The following C4orf36 variants were observed in gnomAD, a reference collection of about 807,000 sequenced individuals.
The protein encoded by C4orf36 is uncharacterized protein C4orf36.
In C4orf36, 11 loss-of-function variants were observed where a neutral mutation model predicts 12.2. The ratio of observed to expected loss-of-function variants is 0.90; its 90% confidence interval spans 0.57 to 1.49. The LOEUF (loss-of-function observed/expected upper bound fraction) is 1.49. Among genes scored for constraint, C4orf36 ranks in the 40% most tolerant of loss-of-function variants. The pLI, the probability that C4orf36 is intolerant of heterozygous loss-of-function variation, is 0.00. For missense variants in C4orf36, 137 were observed against 133.9 expected (o/e 1.02, Z -0.11); for synonymous variants, 54 against 51.3 (o/e 1.05, Z -0.22).
chr4:86,913,320 G>T, the C4orf36 span: 1 of 783,784 alleles, frequency 1.3e-6, no homozygotes, highest in Non-Finnish European at 2.2e-6. Context: ...TGGCTCCACC[G>T]ATGTCAGTAG....
chr4:86,912,188 AAAAC>A, the C4orf36 span, among the ~76,000 whole-genome samples: 1,336 of 152,102 alleles, frequency 8.8e-3, 20 homozygotes, highest in African/African-American at 0.029. Flanking sequence ...TAAAAAAACA[AAAAC>A]AAACAAACAA....
Position 86,888,154 on chromosome 4 carries a change from T to C in C4orf36, c.187A>G (p.Thr63Ala), listed in dbSNP as rs909592350. Reference sequence around the variant, plus strand: ...GAAGGGAGCAGTCCATCTTTAATGGTGGTACATTTTGTGAGCTGCACAGAA... The same window carrying C: ...GAAGGGAGCAGTCCATCTTTAATGGCGGTACATTTTGTGAGCTGCACAGAA... ...GGSVQLTKCT[T>A]IKDGLLPSAE... is the part of the protein sequence containing the mutation. Residue 63 changes from threonine to alanine, a missense_variant, in exon 3 of 5, where the codon ACC becomes GCC. By Grantham distance (58) the Thr-to-Ala change is moderately conservative (BLOSUM62 0). Transcript: ENST00000295898. 5 of 1,613,954 alleles carry C rather than the reference T, an allele frequency of 3.1e-6. No individual in the cohort carries two copies. In the African/African-American group the frequency reaches 5.3e-5, roughly 17 times the overall value.
chr4:86,935,070 C>G, the C4orf36 span: 3 of 152,012 alleles, frequency 2.0e-5, no homozygotes, highest in African/African-American at 7.2e-5. Context: ...CGCCTGCGCG[C>G]GTTGCGGCCG....
intron 4 of C4orf36, among the ~76,000 whole-genome samples, chr4:86,883,415 C>T (rs1056905598): frequency 1.8e-4 from 27 of 152,116 alleles, no homozygotes; most frequent in African/African-American, 6.3e-4. Context: ...TCCTGGTCTG[C>T]ACAAAGATCA....
the C4orf36 span, among the ~76,000 whole-genome samples, chr4:86,919,786 G>T: frequency 6.6e-6 from 1 of 152,240 alleles, no homozygotes; most frequent in East Asian, 1.9e-4. Flanking sequence ...TCTAATGCCT[G>T]TACTTTAGGA....
At chr4:86,901,146 G>A in the C4orf36 span, among the ~76,000 whole-genome samples, 44 of 151,992 alleles carry the variant, frequency 2.9e-4, no homozygotes, top group African/African-American at 8.7e-4. Context: ...CACCACACCC[G>A]GCTAATTTTT....
the C4orf36 span, chr4:86,913,472 C>A: frequency 1.3e-6 from 1 of 769,772 alleles, no homozygotes. Flanking sequence ...TCATGACAGA[C>A]ATGTTGCGTT....
intron 4 of C4orf36, 84 bp downstream of exon 4, chr4:86,887,674 C>G: frequency 6.5e-7 from 1 of 1,548,670 alleles, no homozygotes; most frequent in South Asian, 1.2e-5. Flanking sequence ...AATATCTGCC[C>G]TGAACTATAC....
the C4orf36 span, among the ~76,000 whole-genome samples, chr4:86,934,321 G>A: frequency 2.6e-5 from 4 of 152,146 alleles, no homozygotes; most frequent in African/African-American, 9.7e-5. Context: ...GACTTAACTA[G>A]ACATAAGTTT....
chr4:86,898,697 T>C, the C4orf36 span, among the ~76,000 whole-genome samples: 1 of 151,940 alleles, frequency 6.6e-6, no homozygotes, highest in Non-Finnish European at 1.5e-5. Flanking sequence ...TAATCCCCAC[T>C]ACTCAGCAGA....
chr4:86,932,514 G>A, the C4orf36 span, among the ~76,000 whole-genome samples: 1 of 152,096 alleles, frequency 6.6e-6, no homozygotes, highest in Non-Finnish European at 1.5e-5. Context: ...TGACCAAACA[G>A]TTGTCCATGT....
the C4orf36 span, among the ~76,000 whole-genome samples, chr4:86,908,218 C>CAT: frequency 0.034 from 5,032 of 148,608 alleles, 224 homozygotes; most frequent in Admixed American, 0.086. Context: ...CACACACACA[C>CAT]GTTGCTGGTG....
chr4:86,881,458 C>T (rs568183475), intron 4 of C4orf36, among the ~76,000 whole-genome samples: 47 of 152,176 alleles, frequency 3.1e-4, no homozygotes, highest in Non-Finnish European at 5.1e-4. Flanking sequence ...AAATTAGCCA[C>T]GCATGGTGGG....
chr4:86,928,821 C>A, the C4orf36 span, among the ~76,000 whole-genome samples: 1 of 152,182 alleles, frequency 6.6e-6, no homozygotes, highest in Non-Finnish European at 1.5e-5. Flanking sequence ...CCTCTGCCCA[C>A]GAAGTTTCAT....
At chr4:86,889,585 A>G (rs1747314908) in intron 2 of C4orf36, among the ~76,000 whole-genome samples, 1 of 152,146 alleles carries the variant, frequency 6.6e-6, no homozygotes, top group African/African-American at 2.4e-5. Flanking sequence ...AGGTGCTACT[A>G]CTATCCTCAG....
chr4:86,914,071 T>A, the C4orf36 span: 1 of 1,610,546 alleles, frequency 6.2e-7, no homozygotes, highest in South Asian at 1.1e-5. Flanking sequence ...GTGGAGCGAA[T>A]TGGCTTTTTA....
chr4:86,889,511 ACT>A (rs1747311969), intron 2 of C4orf36, among the ~76,000 whole-genome samples: 1 of 152,220 alleles, frequency 6.6e-6, no homozygotes, highest in Admixed American at 6.5e-5. Flanking sequence ...ACTACTAGGC[ACT>A]GTTTTAAGCA....
In C4orf36 at chr4:86,892,336, T is replaced by G; in HGVS notation, c.-227A>C. The G allele has an allele frequency of 8.1e-6, 8 of 985,454 alleles. No individual in the cohort carries two copies. The highest frequency in any genetic ancestry group is 9.6e-6 in the Non-Finnish European group (8 of 829,960). 61.0% of individuals were successfully genotyped at this position (985,454 alleles called of 1,614,324 possible). On this transcript the variant is annotated 5_prime_UTR_variant, in exon 1 of 5. Transcript: ENST00000295898. ...CCGGGGTACTGAGGTAAGAGCGCGC[T>G]GCGCTAAGCGCACATGGCCGCGCAC...
chr4:86,909,702 A>G, the C4orf36 span, among the ~76,000 whole-genome samples: 1 of 152,118 alleles, frequency 6.6e-6, no homozygotes, highest in East Asian at 1.9e-4. Context: ...CCCTTCTATC[A>G]GTCCTTGCTT....
Sources: allele counts gnomAD v4.1 joint callset (sites outside exome capture counted in the v4.1 genomes callset), GRCh38; gene constraint gnomAD v4.1.1; transcripts MANE v1.5; gene names NCBI Gene and HGNC (gene_info 2026-07-23, HGNC 2026-07-21).